Variants in MDFIC observed in about 807,000 individuals in gnomAD.
The protein encoded by MDFIC is MyoD family inhibitor domain containing.
MDFIC carries 17 observed loss-of-function variants against 23.2 expected under a neutral mutation model. That is an observed-to-expected ratio of 0.73 (90% CI 0.50 to 1.10). MDFIC has a LOEUF of 1.10. Ranked by LOEUF, MDFIC falls within the 50% of genes least tolerant of loss-of-function variation. The probability of loss-of-function intolerance (pLI) is 0.00; values close to 1 mark genes in which losing one functional copy is unlikely to be tolerated. For missense variants in MDFIC, 356 were observed against 316.6 expected (o/e 1.12, Z -0.95); for synonymous variants, 120 against 115.2 (o/e 1.04, Z -0.27).
chr7:115,007,373 T>C (rs1001494501), intron 4 of MDFIC, among the ~76,000 whole-genome samples: 1 of 152,128 alleles, frequency 6.6e-6, no homozygotes, highest in African/African-American at 2.4e-5. Context: ...AGGACAGTAA[T>C]GTTATTACCA....
chr7:115,015,751 T>C lies in MDFIC; in HGVS notation c.557T>C (p.Val186Ala). 6.2e-7 allele frequency: 1 copy of C among 1,614,208 alleles called. No homozygotes were observed. Among genetic ancestry groups the C allele is most frequent in the Non-Finnish European group, 8.5e-7 (1 of 1,180,030 alleles). The part of the protein sequence containing the change: ...FCEFLTLCNI[V>A]LGQASCGICT... ...GAATTCCTGACCCTTTGCAACATTG[T>C]CCTGGGACAAGCGTCATGTGGCATC... Residue 186 changes from valine (V) to alanine (A), a missense_variant, in exon 5 of 5, where the codon GTC (valine) becomes GCC (alanine). By Grantham distance (64) the Val-to-Ala change is moderately conservative. Transcript: ENST00000393486.
intron 3 of MDFIC, among the ~76,000 whole-genome samples, chr7:114,974,991 TGTTCTTATAA>T: frequency 6.6e-6 from 1 of 152,158 alleles, no homozygotes; most frequent in East Asian, 1.9e-4. Flanking sequence ...AGATGCTGAA[TGTTCTTATAA>T]GTGGTATTTG....
At chr7:114,991,482 G>T (rs1258055030) in intron 4 of MDFIC, among the ~76,000 whole-genome samples, 2 of 152,120 alleles carry the variant, frequency 1.3e-5, no homozygotes, top group Non-Finnish European at 2.9e-5. Flanking sequence ...TATGGTTTTA[G>T]GTCTGACATT....
At position 114,986,065 on chromosome 7, in the gene MDFIC, G is replaced by A. The variant is rs539623792; in HGVS notation, c.493+6284G>A. Among the ~76,000 whole-genome samples, 98 of 148,728 alleles carry A rather than the reference G, an allele frequency of 6.6e-4. 2 individuals are homozygous for A. Among genetic ancestry groups the A allele is most frequent in the African/African-American group, 1.9e-3 (77 of 40,558 alleles). ...TTTTTTTTGTACATTAATAATGAAC[G>A]GTTATCGAAAAGGAAATGATGAATT... On this transcript the variant is annotated intron_variant, in intron 4 of 4. Transcript: ENST00000393486.
At position 114,977,512 on chromosome 7, in the gene MDFIC, C is replaced by T. The variant is rs574748525; in HGVS notation, c.218-1994C>T. ...GGCTCCACCACCCTGGTGTGGCTAACAGCTTGCATTGATCACTTCCAAATG... is the reference window on the plus strand; with the variant it reads ...GGCTCCACCACCCTGGTGTGGCTAATAGCTTGCATTGATCACTTCCAAATG... On this transcript the variant is annotated intron_variant, in intron 3 of 4. Coordinates refer to ENST00000393486, the MANE Select transcript of MDFIC (RefSeq NM_001166345.3). Among the ~76,000 whole-genome samples, 5 of 152,244 alleles carry T rather than the reference C, an allele frequency of 3.3e-5. No homozygotes were observed. The East Asian group carries it at 7.7e-4, about 24-fold the overall frequency.
At chr7:114,957,433 A>T (rs1792904371) in intron 3 of MDFIC, among the ~76,000 whole-genome samples, 1 of 152,184 alleles carries the variant, frequency 6.6e-6, no homozygotes. Context: ...TAACTATTAT[A>T]GCTAGAGTTT....
chr7:114,923,057 C>A lies in MDFIC; in HGVS notation c.24C>A (p.Leu8=), dbSNP rs1361794359. The A allele has an allele frequency of 2.2e-6, 3 of 1,360,676 alleles. No individual in the cohort carries two copies. The highest frequency in any genetic ancestry group is 1.8e-5 in the South Asian group (1 of 57,018). 84.3% of individuals were successfully genotyped at this position (1,360,676 alleles called of 1,614,324 possible). The part of the protein sequence containing the change: MSGAGEA[L]APGPVGPQRV... Reference sequence around the variant, plus strand: ...CCATGTCCGGCGCGGGCGAAGCCCTCGCTCCCGGGCCCGTGGGGCCGCAGC... The same window carrying A: ...CCATGTCCGGCGCGGGCGAAGCCCTAGCTCCCGGGCCCGTGGGGCCGCAGC... The change falls in exon 2 of 5, where the codon CTC becomes CTA. Residue 8 remains leucine, a synonymous_variant. Transcript: ENST00000393486.
intron 4 of MDFIC, among the ~76,000 whole-genome samples, chr7:114,996,795 G>A (rs1248478586): frequency 6.6e-6 from 1 of 152,122 alleles, no homozygotes; most frequent in Non-Finnish European, 1.5e-5. Context: ...CTCCCTATAT[G>A]ATTCTAATTT....
At chr7:114,989,376 GT>G (rs1396562201) in intron 4 of MDFIC, among the ~76,000 whole-genome samples, 1 of 152,154 alleles carries the variant, frequency 6.6e-6, no homozygotes, top group East Asian at 1.9e-4. Context: ...TGTGTAAACA[GT>G]TCTAGAAAGG....
intron 3 of MDFIC, among the ~76,000 whole-genome samples, chr7:114,977,196 A>C (rs1171489150): frequency 6.6e-6 from 1 of 152,192 alleles, no homozygotes; most frequent in Non-Finnish European, 1.5e-5. Flanking sequence ...TAATGAAGAT[A>C]ATGATGATTT....
At chr7:114,922,814 C>A in intron 1 of MDFIC, 113 bp from the exon 2 acceptor site, 1 of 1,369,386 alleles carries the variant, frequency 7.3e-7, no homozygotes, top group South Asian at 1.5e-5. Flanking sequence ...ATCAAAACTT[C>A]CCCGGGGTGG....
chr7:115,008,273 T>C (rs369064372), intron 4 of MDFIC, among the ~76,000 whole-genome samples: 1 of 151,638 alleles, frequency 6.6e-6, no homozygotes, highest in Non-Finnish European at 1.5e-5. Flanking sequence ...AGGAGTCACT[T>C]TGTGGGGTGT....
chr7:114,969,205 C>T lies in MDFIC; in HGVS notation c.218-10301C>T, dbSNP rs147638604. ...GAATCCTTGCTACACTTCCGCCATC[C>T]TCATATTATGCTTTTACAGCAATTC... On this transcript the variant is annotated intron_variant, in intron 3 of 4. Coordinates refer to ENST00000393486, the MANE Select transcript of MDFIC (RefSeq NM_001166345.3). Among the ~76,000 whole-genome samples the T allele has an allele frequency of 1.1e-4, 16 of 152,298 alleles. No individual in the cohort carries two copies. In the East Asian group the frequency reaches 2.5e-3, roughly 24 times the overall value.
intron 1 of MDFIC, 89 bp from the exon 2 acceptor site, chr7:114,922,838 G>T: frequency 1.4e-6 from 2 of 1,426,444 alleles, no homozygotes; most frequent in South Asian, 1.3e-5. Flanking sequence ...TTGAGGGAGG[G>T]AAGTGGAGGG....
chr7:114,954,255 G>T (rs760482685), intron 3 of MDFIC, among the ~76,000 whole-genome samples: 12 of 152,098 alleles, frequency 7.9e-5, no homozygotes, highest in Non-Finnish European at 1.5e-4. Context: ...AATGATAATT[G>T]TGCCTAATCT....
intron 4 of MDFIC, among the ~76,000 whole-genome samples, chr7:114,992,987 T>G (rs71243006): frequency 0.12 from 17,510 of 152,138 alleles, 1,425 homozygotes; most frequent in East Asian, 0.36. Flanking sequence ...GTCCTGGACT[T>G]TTTTTGGCTG....
At chr7:114,939,912 C>T (rs1198001481) in intron 2 of MDFIC, among the ~76,000 whole-genome samples, 1 of 152,200 alleles carries the variant, frequency 6.6e-6, no homozygotes, top group Non-Finnish European at 1.5e-5. Context: ...CAGTCAGCTA[C>T]ATAACAATGG....
intron 4 of MDFIC, among the ~76,000 whole-genome samples, chr7:114,994,755 A>C (rs982685322): frequency 5.9e-5 from 9 of 152,114 alleles, no homozygotes; most frequent in African/African-American, 9.7e-5. Flanking sequence ...GTGGGTAACC[A>C]GACCTTTCTC....
chr7:114,974,259 C>T lies in MDFIC; in HGVS notation c.218-5247C>T, dbSNP rs1404390042. On this transcript the variant is annotated intron_variant, in intron 3 of 4. Coordinates refer to ENST00000393486, the MANE Select transcript of MDFIC (RefSeq NM_001166345.3). ...ATAACTTTTCATCTTCCTTTTAAAG[C>T]TGTTGTATATATGCAAATAATTGCA... 4.0e-5 allele frequency among the ~76,000 whole-genome samples: 6 copies of T among 151,420 alleles called. No homozygotes were observed. The South Asian group carries it at 1.0e-3, about 26-fold the overall frequency.
Sources: gnomAD v4.1 joint callset for allele counts (sites outside exome capture counted in the v4.1 genomes callset) on GRCh38, gnomAD v4.1.1 for gene constraint, MANE v1.5 for transcripts, NCBI Gene and HGNC (gene_info 2026-07-23, HGNC 2026-07-21) for gene names.